NFATC3: variants seen among roughly 807,000 people sequenced by gnomAD.
NFATC3 encodes the protein nuclear factor of activated T cells 3.
NFATC3 carries 46 observed loss-of-function variants against 98.6 expected under a neutral mutation model. That is an observed-to-expected ratio of 0.47 (90% confidence interval 0.37 to 0.60). NFATC3 has a LOEUF of 0.60. Among genes scored for constraint, NFATC3 ranks in the 20% least tolerant of loss-of-function variants. The probability of loss-of-function intolerance (pLI) is 0.00; values close to 1 mark genes in which losing one functional copy is unlikely to be tolerated. For synonymous variants in NFATC3, 512 were observed against 472.2 expected, an observed-to-expected ratio of 1.08 and a Z score of -1.09; for missense variants, 1,256 against 1,295.5, an observed-to-expected ratio of 0.97 and a Z score of 0.47.
Position 68,211,142 on chromosome 16 carries a change from T to G in NFATC3, c.3107-15208T>G, listed in dbSNP as rs146592868. Among the ~76,000 whole-genome samples, 11 of 152,142 alleles carry G rather than the reference T, an allele frequency of 7.2e-5. No individual in the cohort carries two copies. The East Asian group carries it at 2.1e-3, about 29-fold the overall frequency. On this transcript the variant is annotated intron_variant, in intron 9 of 9. Coordinates refer to ENST00000346183, the MANE Select transcript of NFATC3 (RefSeq NM_173165.3). Reference sequence around the variant, plus strand: ...GCCTCATAATGAGTTAGGAAGTGTTTCCTTTTCTTTAATCTTTTTAAGAGT... The same window carrying G: ...GCCTCATAATGAGTTAGGAAGTGTTGCCTTTTCTTTAATCTTTTTAAGAGT...
chr16:68,088,252 G>A (rs2034495726), intron 1 of NFATC3, among the ~76,000 whole-genome samples: 1 of 150,410 alleles, frequency 6.6e-6, no homozygotes, highest in South Asian at 2.1e-4. Context: ...TTGAGGTCGG[G>A]GATAGTGTCT....
intron 1 of NFATC3, among the ~76,000 whole-genome samples, chr16:68,116,033 A>G (rs190887349): frequency 2.2e-4 from 34 of 152,254 alleles, no homozygotes. Context: ...GTGAAGGAAT[A>G]GGGGTAGTAC....
chr16:68,099,628 TAATAAA>T (rs1765127972), intron 1 of NFATC3, among the ~76,000 whole-genome samples: 2 of 150,996 alleles, frequency 1.3e-5, no homozygotes, highest in African/African-American at 4.9e-5. Context: ...ATAATAATAA[TAATAAA>T]AAATATAGAA....
intron 3 of NFATC3, among the ~76,000 whole-genome samples, chr16:68,152,894 C>T (rs1009512305): frequency 6.6e-6 from 1 of 152,178 alleles, no homozygotes; most frequent in Non-Finnish European, 1.5e-5. Flanking sequence ...ATAAGTGGCA[C>T]TCTCATCACT....
intron 3 of NFATC3, among the ~76,000 whole-genome samples, chr16:68,133,623 T>C (rs2151523498): frequency 6.6e-6 from 1 of 152,278 alleles, no homozygotes; most frequent in African/African-American, 2.4e-5. Context: ...ATAATCATGC[T>C]TCTCAATTCT....
At chr16:68,162,923 G>A (rs927484292) in intron 4 of NFATC3, among the ~76,000 whole-genome samples, 1 of 146,990 alleles carries the variant, frequency 6.8e-6, no homozygotes, top group African/African-American at 2.6e-5. Flanking sequence ...CTGGGTACTT[G>A]CGATTAGGGA....
At chr16:68,170,465 A>G (rs1259810009) in intron 5 of NFATC3, among the ~76,000 whole-genome samples, 3 of 149,374 alleles carry the variant, frequency 2.0e-5, no homozygotes, top group South Asian at 4.2e-4. Context: ...CTATTTATAT[A>G]TAGTCAGTAT....
At chr16:68,208,238 T>C (rs1395703088) in intron 9 of NFATC3, among the ~76,000 whole-genome samples, 1 of 151,762 alleles carries the variant, frequency 6.6e-6, no homozygotes, top group Non-Finnish European at 1.5e-5. Context: ...GGTTTCTCCA[T>C]ATTAGTCAGG....
chr16:68,193,032 A>G (rs1480841156), intron 9 of NFATC3, among the ~76,000 whole-genome samples: 1 of 152,184 alleles, frequency 6.6e-6, no homozygotes, highest in Non-Finnish European at 1.5e-5. Flanking sequence ...GATTGAAAAT[A>G]TCTAGGGGGA....
intron 9 of NFATC3, among the ~76,000 whole-genome samples, chr16:68,203,328 C>T (rs938754741): frequency 6.6e-6 from 1 of 151,976 alleles, no homozygotes; most frequent in African/African-American, 2.4e-5. Flanking sequence ...TTATTTTAAT[C>T]AACCTACATT....
At chr16:68,113,459 T>G (rs1255973602) in intron 1 of NFATC3, among the ~76,000 whole-genome samples, 3 of 152,204 alleles carry the variant, frequency 2.0e-5, no homozygotes, top group Non-Finnish European at 2.9e-5. Context: ...GATGGCTGCC[T>G]CCTCCTCTGG....
chr16:68,141,203 A>T (rs560792119), intron 3 of NFATC3, among the ~76,000 whole-genome samples: 21 of 152,096 alleles, frequency 1.4e-4, no homozygotes, highest in Non-Finnish European at 8.8e-5. Context: ...TCATCTACTC[A>T]TGGCTGATGG....
In NFATC3 at chr16:68,085,498, C is replaced by T; in HGVS notation, c.-184C>T. 1 of 512,936 alleles carries T rather than the reference C, an allele frequency of 1.9e-6. No homozygotes were observed. Among genetic ancestry groups the T allele is most frequent in the Non-Finnish European group, 3.3e-6 (1 of 299,260 alleles). 31.8% of individuals were successfully genotyped at this position (512,936 alleles called of 1,614,324 possible). A position where few individuals can be genotyped will look rare whatever the true frequency, so the allele number is the denominator to read the frequency against. ...GGCTGCGGTTCCTGGTGCTGCTCGG[C>T]GCGCGGCCAGCTTTCGGAACGGAAC... On this transcript the variant is annotated 5_prime_UTR_variant, in exon 1 of 10. Transcript: ENST00000346183.
intron 9 of NFATC3, chr16:68,200,656 TACTC>T (rs1198718828): frequency 1.3e-5 from 2 of 152,138 alleles, no homozygotes; most frequent in Non-Finnish European, 2.9e-5. Flanking sequence ...AATATAAACT[TACTC>T]AAACAATTAA....
intron 3 of NFATC3, among the ~76,000 whole-genome samples, chr16:68,149,405 C>G (rs939886033): frequency 6.6e-6 from 1 of 152,166 alleles, no homozygotes; most frequent in East Asian, 1.9e-4. Flanking sequence ...ATTACTGTTA[C>G]TTTGGATTTT....
rs190711832 is a variant in NFATC3, at chr16:68,210,932, C to T, written c.3107-15418C>T. On this transcript the variant is annotated intron_variant, in intron 9 of 9. Coordinates refer to ENST00000346183, the MANE Select transcript of NFATC3 (RefSeq NM_173165.3). ...GAGTAGCTGGGACTACAAGTGCGCA[C>T]CACCATGCCCGGCTAATTTTTTTGT... Among the ~76,000 whole-genome samples the T allele has an allele frequency of 4.5e-4, 69 of 152,092 alleles. 1 individual carries two copies. Among genetic ancestry groups the T allele is most frequent in the Admixed American group, 7.9e-4 (12 of 15,262 alleles).
At chr16:68,176,253 G>A (rs950379632) in intron 6 of NFATC3, among the ~76,000 whole-genome samples, 1 of 152,090 alleles carries the variant, frequency 6.6e-6, no homozygotes, top group Non-Finnish European at 1.5e-5. Context: ...TGGAATTAGA[G>A]GCGTGAGCTA....
intron 3 of NFATC3, among the ~76,000 whole-genome samples, chr16:68,133,094 T>C (rs2037200951): frequency 6.6e-6 from 1 of 152,094 alleles, no homozygotes; most frequent in Non-Finnish European, 1.5e-5. Flanking sequence ...GGTGAAACCC[T>C]GTGTCTATTA....
chr16:68,110,594 G>A lies in NFATC3; in HGVS notation c.104-11393G>A, dbSNP rs145146087. 1.8e-3 allele frequency among the ~76,000 whole-genome samples: 280 copies of A among 151,852 alleles called. 4 individuals are homozygous for A. Among genetic ancestry groups the A allele is most frequent in the African/African-American group, 6.4e-3 (263 of 41,350 alleles). ...CTCCCAAAGTGCTGGGATTATAGGC[G>A]TGAGCCACCGCGCCCAGCCTGATTT... On this transcript the variant is annotated intron_variant, in intron 1 of 9. Coordinates refer to ENST00000346183, the MANE Select transcript of NFATC3 (RefSeq NM_173165.3).
Sources: gnomAD v4.1 joint callset for allele counts (sites outside exome capture counted in the v4.1 genomes callset) on GRCh38, gnomAD v4.1.1 for gene constraint, MANE v1.5 for transcripts, NCBI Gene and HGNC (gene_info 2026-07-23, HGNC 2026-07-21) for gene names.